Variants in SNTG2 observed in about 807,000 individuals in gnomAD.
SNTG2 encodes the protein syntrophin gamma 2, also known as gamma-2-syntrophin.
Under a neutral mutation model 70.9 loss-of-function variants are expected in SNTG2, and 74 were observed. The ratio of observed to expected loss-of-function variants is 1.04; its 90% CI spans 0.86 to 1.27. The LOEUF (loss-of-function observed/expected upper bound fraction) is 1.27. Ranked by LOEUF, SNTG2 falls within the 50% of genes most tolerant of loss-of-function variation. SNTG2 has a pLI of 0.00. For synonymous variants in SNTG2, 278 were observed against 273.8 expected, an observed-to-expected ratio of 1.02 and a Z score of -0.15; for missense variants, 717 against 690.7, an observed-to-expected ratio of 1.04 and a Z score of -0.43.
chr2:1,340,858 T>G (rs1660049254), intron 16 of SNTG2, among the ~76,000 whole-genome samples: 1 of 152,216 alleles, frequency 6.6e-6, no homozygotes, highest in Non-Finnish European at 1.5e-5. Flanking sequence ...TCTTCCTAAT[T>G]TTTTTATAAC....
chr2:999,421 TTAG>T (rs1284038963), intron 1 of SNTG2, among the ~76,000 whole-genome samples: 1 of 151,988 alleles, frequency 6.6e-6, no homozygotes, highest in Non-Finnish European at 1.5e-5. Context: ...TGGTAAGACA[TTAG>T]TAGGCTCAAG....
chr2:971,615 G>C (rs1192474779), intron 1 of SNTG2, among the ~76,000 whole-genome samples: 1 of 150,592 alleles, frequency 6.6e-6, no homozygotes, highest in Admixed American at 6.6e-5. Context: ...TTGTGGTTTT[G>C]CTAATCTTTT....
At chr2:1,325,839 ATT>A (rs989671402) in intron 16 of SNTG2, among the ~76,000 whole-genome samples, 1 of 147,330 alleles carries the variant, frequency 6.8e-6, no homozygotes. Context: ...GGCATATCAG[ATT>A]TTTTTTTTTT....
At chr2:1,290,892 T>C (rs1012442047) in intron 14 of SNTG2, among the ~76,000 whole-genome samples, 1 of 152,238 alleles carries the variant, frequency 6.6e-6, no homozygotes, top group Non-Finnish European at 1.5e-5. Flanking sequence ...GGCAGTTCAA[T>C]TTTTAAATTA....
chr2:963,083 T>G (rs939108372), intron 1 of SNTG2, among the ~76,000 whole-genome samples: 3 of 152,228 alleles, frequency 2.0e-5, no homozygotes, highest in South Asian at 2.1e-4. Context: ...CTAACTGCAG[T>G]TTTTCTTAAT....
In SNTG2 at chr2:1,180,617, A is replaced by G. The variant is rs1308078733; in HGVS notation, c.591+7434A>G. ...AAATAGGAACACTTTTACACTGTTG[A>G]TGGGACTGTAAACTAGTTCAACCAT... is the stretch of plus-strand genomic sequence containing the variant. On this transcript the variant is annotated intron_variant, in intron 8 of 16. Coordinates refer to ENST00000308624, the MANE Select transcript of SNTG2 (RefSeq NM_018968.4). Among the ~76,000 whole-genome samples, 31 of 145,962 alleles carry G rather than the reference A, an allele frequency of 2.1e-4. No homozygotes were observed. In the East Asian group the frequency reaches 2.5e-3, roughly 12 times the overall value.
At chr2:1,116,371 G>A (rs1666965994) in intron 4 of SNTG2, among the ~76,000 whole-genome samples, 1 of 152,230 alleles carries the variant, frequency 6.6e-6, no homozygotes, top group Non-Finnish European at 1.5e-5. Flanking sequence ...ACTCAGGCAA[G>A]GCTGTGGCTG....
chr2:1,043,464 T>A (rs1189681623), intron 1 of SNTG2, among the ~76,000 whole-genome samples: 1 of 152,192 alleles, frequency 6.6e-6, no homozygotes, highest in Non-Finnish European at 1.5e-5. Flanking sequence ...GCAATTGCAT[T>A]TGGAGTTTTT....
intron 16 of SNTG2, among the ~76,000 whole-genome samples, chr2:1,361,263 T>C (rs2148319213): frequency 6.6e-6 from 1 of 152,254 alleles, no homozygotes; most frequent in South Asian, 2.1e-4. Context: ...TAAGAAAATT[T>C]ACATTACAAT....
At chr2:1,105,113 A>C (rs900709309) in intron 4 of SNTG2, among the ~76,000 whole-genome samples, 3 of 152,012 alleles carry the variant, frequency 2.0e-5, no homozygotes, top group Non-Finnish European at 4.4e-5. Flanking sequence ...CCACTCCCTT[A>C]GGGGAATGCA....
chr2:1,130,863 T>C (rs546743367), intron 4 of SNTG2, among the ~76,000 whole-genome samples: 16 of 152,238 alleles, frequency 1.1e-4, no homozygotes, highest in Non-Finnish European at 2.1e-4. Flanking sequence ...GGCGTTCACA[T>C]TGGCACTGTC....
intron 14 of SNTG2, among the ~76,000 whole-genome samples, chr2:1,284,724 C>T (rs949135448): frequency 2.4e-4 from 37 of 152,064 alleles, no homozygotes; most frequent in African/African-American, 8.2e-4. Context: ...CTGACGTCAA[C>T]TAAATCACCA....
At chr2:993,701 AT>A (rs985116739) in intron 1 of SNTG2, among the ~76,000 whole-genome samples, 23 of 151,130 alleles carry the variant, frequency 1.5e-4, no homozygotes, top group South Asian at 6.3e-4. Flanking sequence ...CTTTGTGTCT[AT>A]TTTTTTTTAA....
intron 7 of SNTG2, among the ~76,000 whole-genome samples, chr2:1,167,365 G>A (rs570036490): frequency 7.6e-5 from 10 of 130,738 alleles, no homozygotes; most frequent in East Asian, 2.4e-4. Flanking sequence ...CCTACAGGCC[G>A]CCCACGGATG....
At chr2:1,173,007 A>G in intron 7 of SNTG2, 85 bp from the exon 8 acceptor site, 9 of 1,256,512 alleles carry the variant, frequency 7.2e-6, no homozygotes, top group East Asian at 2.3e-5. Flanking sequence ...CTTCCCATGC[A>G]CAGGTAGAAC....
chr2:1,021,805 T>TG (rs1305752933), intron 1 of SNTG2, among the ~76,000 whole-genome samples: 1 of 151,910 alleles, frequency 6.6e-6, no homozygotes, highest in Non-Finnish European at 1.5e-5. Flanking sequence ...TTTGTAAAGA[T>TG]GGGGGTCTCA....
chr2:1,151,905 AAGAATTGAAAAC>A (rs201331401), intron 6 of SNTG2, among the ~76,000 whole-genome samples: 4,665 of 152,324 alleles, frequency 0.031, 105 homozygotes, highest in Middle Eastern at 0.082. Flanking sequence ...CATCAGAACT[AAGAATTGAAAAC>A]AGATTTGCTC....
chr2:1,254,009 G>A (rs907507172), intron 12 of SNTG2, among the ~76,000 whole-genome samples: 6 of 152,160 alleles, frequency 3.9e-5, no homozygotes, highest in Admixed American at 6.5e-5. Flanking sequence ...ACTCTATTAG[G>A]AGAACAGCAC....
chr2:996,302 A>C (rs1195220711), intron 1 of SNTG2, among the ~76,000 whole-genome samples: 4 of 152,210 alleles, frequency 2.6e-5, no homozygotes, highest in Non-Finnish European at 4.4e-5. Context: ...CGACTGCCAG[A>C]AATCAGCTCA....
Sources: gnomAD v4.1 joint callset for allele counts (sites outside exome capture counted in the v4.1 genomes callset) on GRCh38, gnomAD v4.1.1 for gene constraint, MANE v1.5 for transcripts, NCBI Gene and HGNC (gene_info 2026-07-23, HGNC 2026-07-21) for gene names.